PRDM2: variants seen among roughly 807,000 people sequenced by gnomAD.
PRDM2 encodes PR domain zinc finger protein 2.
A neutral mutation model predicts 130.0 loss-of-function variants in PRDM2; 30 were observed. That is an observed-to-expected ratio of 0.23 (90% CI 0.17 to 0.31). The LOEUF is 0.31. PRDM2 is among the 10% of genes least tolerant of loss of function. The pLI is 1.00. For synonymous variants in PRDM2, 871 were observed against 782.4 expected, an observed-to-expected ratio of 1.11 and a Z score of -1.89; for missense variants, 2,011 against 2,108.4, an observed-to-expected ratio of 0.95 and a Z score of 0.90.
intron 8 of PRDM2, chr1:13,786,883 C>T (rs1458688862): frequency 9.6e-7 from 1 of 1,041,734 alleles, no homozygotes; most frequent in African/African-American, 1.7e-5. Context: ...CTTAACCTTG[C>T]AAAGCAAGTT....
Position 13,749,409 on chromosome 1 carries a change from A to T in PRDM2, c.433A>T (p.Asn145Tyr). The change falls in exon 6 of 10, where the codon AAC becomes TAC. Residue 145 changes from asparagine (N) to tyrosine (Y), a missense_variant. Around this residue, in one of 5 missense-constraint regions of PRDM2, gnomAD observed 1,288 missense variants for 1,237.7 expected, o/e 1.04. Coordinates refer to ENST00000311066, the MANE Select transcript of PRDM2 (RefSeq NM_001393986.1). The stretch of plus-strand genomic sequence containing the variant: ...CCTGGTCTGGTACAATGGGGAAGAC[A>T]ACCCTGAGATAGCAGCTGCGATTGA... ...ELLVWYNGED[N>Y]PEIAAAIEEE... is the part of the protein sequence containing the mutation. The T allele has an allele frequency of 6.6e-7, 1 of 1,505,056 alleles. No individual in the cohort carries two copies. Among genetic ancestry groups the T allele is most frequent in the Non-Finnish European group, 9.0e-7 (1 of 1,113,274 alleles). 93.2% of individuals were successfully genotyped at this position (1,505,056 alleles called of 1,614,324 possible).
chr1:13,732,605 A>T (rs1262515708), intron 3 of PRDM2, among the ~76,000 whole-genome samples, 174 bp from the exon 4 acceptor site: 1 of 152,236 alleles, frequency 6.6e-6, no homozygotes, highest in Non-Finnish European at 1.5e-5. Context: ...GAAGAAAAAT[A>T]AAAATCCCCA....
At chr1:13,786,392 T>C (rs749205418) in intron 8 of PRDM2, 82 of 1,342,610 alleles carry the variant, frequency 6.1e-5, no homozygotes, top group Non-Finnish European at 7.6e-5. Flanking sequence ...ATGCCTTCAG[T>C]CATGTATGTG....
chr1:13,740,868 C>A (rs886639144), intron 4 of PRDM2, among the ~76,000 whole-genome samples: 2 of 152,124 alleles, frequency 1.3e-5, no homozygotes, highest in Non-Finnish European at 2.9e-5. Context: ...GCAGCATCCT[C>A]ACCATCAGCG....
At chr1:13,723,962 C>G (rs1642822186) in intron 2 of PRDM2, among the ~76,000 whole-genome samples, 1 of 152,196 alleles carries the variant, frequency 6.6e-6, no homozygotes, top group Non-Finnish European at 1.5e-5. Context: ...ACCAAGCCAA[C>G]CAGGAAGGGC....
At chr1:13,763,485 G>T (rs754586642) in intron 6 of PRDM2, among the ~76,000 whole-genome samples, 1 of 152,184 alleles carries the variant, frequency 6.6e-6, no homozygotes, top group Non-Finnish European at 1.5e-5. Flanking sequence ...TGTTACTGGG[G>T]ATTGTGGTTT....
intron 2 of PRDM2, 133 bp from the exon 3 acceptor site, chr1:13,730,867 T>G: frequency 1.6e-6 from 1 of 618,260 alleles, no homozygotes; most frequent in Non-Finnish European, 2.8e-6. Context: ...GACATCATCG[T>G]TTTGGTCTGT....
intron 8 of PRDM2, among the ~76,000 whole-genome samples, chr1:13,799,122 C>A (rs1435610303): frequency 2.0e-5 from 3 of 152,178 alleles, no homozygotes; most frequent in Non-Finnish European, 4.4e-5. Flanking sequence ...CCGGCATGTT[C>A]ACCATTGCCT....
chr1:13,792,479 G>C (rs897640673), intron 8 of PRDM2, among the ~76,000 whole-genome samples: 2 of 152,136 alleles, frequency 1.3e-5, no homozygotes, highest in African/African-American at 4.8e-5. Flanking sequence ...TTTCCTTGCG[G>C]TAACATTCTC....
At chr1:13,748,649 A>G (rs1257078317) in intron 5 of PRDM2, among the ~76,000 whole-genome samples, 1 of 152,164 alleles carries the variant, frequency 6.6e-6, no homozygotes, top group East Asian at 1.9e-4. Flanking sequence ...GGGTGGAATC[A>G]ATTTGATGGT....
intron 2 of PRDM2, among the ~76,000 whole-genome samples, chr1:13,724,697 G>A (rs1642850962): frequency 6.6e-6 from 1 of 152,048 alleles, no homozygotes; most frequent in African/African-American, 2.4e-5. Flanking sequence ...GTTTCACCAT[G>A]TTGGCCAGGA....
At chr1:13,761,916 TATCTG>T (rs1644107028) in intron 6 of PRDM2, among the ~76,000 whole-genome samples, 1 of 152,222 alleles carries the variant, frequency 6.6e-6, no homozygotes, top group Admixed American at 6.5e-5. Context: ...TTTATAATAA[TATCTG>T]GGTGGGATCC....
chr1:13,780,777 T>A lies in PRDM2; in HGVS notation c.2982T>A (p.Pro994=). 1 of 1,297,702 alleles carries A rather than the reference T, an allele frequency of 7.7e-7. No homozygotes were observed. Among genetic ancestry groups the A allele is most frequent in the Non-Finnish European group, 1.0e-6 (1 of 984,610 alleles). The allele number at this position is 1,297,702 out of a possible 1,614,324, so 80.4% of individuals were successfully genotyped here. Residue 994 remains proline, a synonymous_variant, in exon 8 of 10, where the codon CCT becomes CCA. Transcript: ENST00000311066. ...TPPPPLLPTV[P]LPAPSSSASP... ...CCCCTCCCCTCCTTCCTACCGTACC[T>A]CTTCCAGCCCCCTCTTCCAGTGCAT...
chr1:13,810,762 G>A (rs1346960552), intron 8 of PRDM2, among the ~76,000 whole-genome samples: 4 of 151,796 alleles, frequency 2.6e-5, no homozygotes, highest in Non-Finnish European at 5.9e-5. Context: ...CCAAAGCACT[G>A]GGATTACAGG....
At chr1:13,713,619 G>A (rs1236050447) in intron 1 of PRDM2, among the ~76,000 whole-genome samples, 1 of 152,158 alleles carries the variant, frequency 6.6e-6, no homozygotes, top group Non-Finnish European at 1.5e-5. Flanking sequence ...TACAACATTT[G>A]CATTTTACCG....
At chr1:13,787,378 G>T (rs1378320916) in intron 8 of PRDM2, 7 of 984,752 alleles carry the variant, frequency 7.1e-6, no homozygotes, top group Non-Finnish European at 8.4e-6. Context: ...CTCTTCCTAA[G>T]TATATTAATA....
At position 13,780,556 on chromosome 1, in the gene PRDM2, G is replaced by A. The variant is rs1644584832; in HGVS notation, c.2761G>A (p.Ala921Thr). Residue 921 changes from alanine to threonine, a missense_variant, in exon 8 of 10, where the codon GCT becomes ACT. Around this residue, in one of 5 missense-constraint regions of PRDM2, gnomAD observed 1,288 missense variants for 1,237.7 expected, o/e 1.04. Coordinates refer to ENST00000311066, the MANE Select transcript of PRDM2 (RefSeq NM_001393986.1). ...RSPSPCKSLE[A>T]QPDPDLGPGS... ...CCCAAGTCCTTGTAAATCCCTAGAA[G>A]CTCAGCCAGATCCTGACCTCGGTCC... 6.2e-7 allele frequency: 1 copy of A among 1,614,118 alleles called. No homozygotes were observed. The highest frequency in any genetic ancestry group is 8.5e-7 in the Non-Finnish European group (1 of 1,180,028).
chr1:13,800,010 C>A (rs1272778156), intron 8 of PRDM2, among the ~76,000 whole-genome samples: 1 of 152,194 alleles, frequency 6.6e-6, no homozygotes, highest in Non-Finnish European at 1.5e-5. Flanking sequence ...TGGAAGTTAA[C>A]AGATGATGTA....
rs147503829 is a variant in PRDM2 at position 13,819,495 on chromosome 1, G to A, written c.*23+2925G>A. Among the ~76,000 whole-genome samples, 7 of 152,242 alleles carry A rather than the reference G, an allele frequency of 4.6e-5. No individual in the cohort carries two copies. The East Asian group carries it at 5.8e-4, about 13-fold the overall frequency. On this transcript the variant is annotated intron_variant, in intron 9 of 9. Transcript: ENST00000311066. ...AACTTGCTCCTTAAAATCTTCTGTA[G>A]CTTTTTTTCCATTTTTTAAATTGGT...
Sources: gnomAD v4.1 joint callset for allele counts (sites outside exome capture counted in the v4.1 genomes callset) on GRCh38, gnomAD v4.1.1 for gene constraint, gnomAD v4.1.1 regional missense constraint, MANE v1.5 for transcripts, NCBI Gene and HGNC (gene_info 2026-07-23, HGNC 2026-07-21) for gene names.